Variants in NT5C1B observed in about 807,000 individuals in gnomAD.
NT5C1B encodes 5'-nucleotidase, cytosolic IB, also known as cytosolic 5'-nucleotidase 1B.
A neutral mutation model predicts 57.8 loss-of-function variants in NT5C1B; 44 were observed. The observed-to-expected ratio is 0.76, with a 90% CI of 0.60 to 0.98. The LOEUF (loss-of-function observed/expected upper bound fraction) is 0.98. NT5C1B is among the 50% of genes least tolerant of loss of function. The pLI is 0.00. For synonymous variants in NT5C1B, 284 were observed against 282.6 expected, an observed-to-expected ratio of 1.00 and a Z score of -0.05; for missense variants, 742 against 719.5, an observed-to-expected ratio of 1.03 and a Z score of -0.36.
At position 18,584,354 on chromosome 2, in the gene NT5C1B, C is replaced by G; in HGVS notation, c.724-99G>C. On this transcript the variant is annotated intron_variant, in intron 4 of 8. Transcript: ENST00000304081. This position sits in a 1 kb window ranked among gnomAD's most constrained non-coding sequence, Gnocchi z 5.8. The stretch of plus-strand genomic sequence containing the variant: ...AGGGTGAGAGTAGGACAGCGGGCCC[C>G]TGCTTGGAGAAGCGGGATGCTGGAG... 2 of 1,552,132 alleles carry G rather than the reference C, an allele frequency of 1.3e-6. No homozygotes were observed. The highest frequency in any genetic ancestry group is 1.7e-6 in the Non-Finnish European group (2 of 1,151,624).
chr2:18,573,611 C>T (rs1665406657), intron 8 of NT5C1B, among the ~76,000 whole-genome samples: 1 of 151,914 alleles, frequency 6.6e-6, no homozygotes, highest in South Asian at 2.1e-4. Flanking sequence ...TAAATTAATC[C>T]TCTCCAGCTG....
intron 8 of NT5C1B, among the ~76,000 whole-genome samples, chr2:18,573,059 CA>C (rs201509727): frequency 0.013 from 1,943 of 152,166 alleles, 36 homozygotes; most frequent in African/African-American, 0.044. Context: ...ACTCCTTCAA[CA>C]GGTAAATGAA....
At chr2:18,586,834 C>T in intron 2 of NT5C1B, 1 of 1,348,250 alleles carries the variant, frequency 7.4e-7, no homozygotes, top group Non-Finnish European at 1.0e-6. Context: ...AAGGCAGCTG[C>T]TGAAAAGGAA....
chr2:18,567,798 C>T (rs1356115347), intron 8 of NT5C1B, among the ~76,000 whole-genome samples: 1 of 152,122 alleles, frequency 6.6e-6, no homozygotes, highest in African/African-American at 2.4e-5. Flanking sequence ...ACCCAAGTGT[C>T]ACAAATATAA....
chr2:18,584,437 C>T lies in NT5C1B; in HGVS notation c.723+77G>A. 2 of 1,551,854 alleles carry T rather than the reference C, an allele frequency of 1.3e-6. No individual in the cohort carries two copies. The highest frequency in any genetic ancestry group is 1.9e-5 in the Admixed American group (1 of 52,408). ...GAGGAGAAGCGGGAGGACCTCCCTG[C>T]GCAGTGGAGAGGAGGGCGGCTGGAA... On this transcript the variant is annotated intron_variant, in intron 4 of 8. Coordinates refer to ENST00000304081, the Ensembl canonical transcript of NT5C1B. This position sits in a 1 kb window ranked among gnomAD's most constrained non-coding sequence, Gnocchi z 5.8.
intron 8 of NT5C1B, among the ~76,000 whole-genome samples, chr2:18,575,894 C>T (rs747431434): frequency 9.2e-5 from 14 of 152,084 alleles, no homozygotes; most frequent in Non-Finnish European, 4.4e-5. Flanking sequence ...GCAGTATTTC[C>T]TGTTACTCCC....
intron 6 of NT5C1B, 28 bp from the exon 7 acceptor site, chr2:18,576,923 A>G (rs772337251): frequency 1.9e-6 from 3 of 1,611,864 alleles, no homozygotes; most frequent in Admixed American, 1.7e-5. Flanking sequence ...AGACTTTGTT[A>G]TGACAGAGAT....
chr2:18,582,880 C>T lies in NT5C1B; in HGVS notation c.1009G>A (p.Val337Ile), dbSNP rs144184703. Reference sequence around the variant, plus strand: ...TTATTTTACTTACCGTAGTGATTGACGCTGTTTATAAGCCGCACTCCCACT... The same window carrying T: ...TTATTTTACTTACCGTAGTGATTGATGCTGTTTATAAGCCGCACTCCCACT... The change falls in exon 6 of 9, where the codon GTC becomes ATC. Residue 337 changes from valine to isoleucine, a missense_variant. Physicochemically the swap from Val to Ile is conservative, Grantham distance 29. Transcript: ENST00000304081. 4.9e-5 allele frequency: 79 copies of T among 1,613,508 alleles called. No homozygotes were observed. Among genetic ancestry groups the T allele is most frequent in the South Asian group, 4.4e-4 (40 of 90,996 alleles).
At chr2:18,586,167 C>T in intron 3 of NT5C1B, 87 bp downstream of exon 3, 1 of 1,541,932 alleles carries the variant, frequency 6.5e-7, no homozygotes, top group Non-Finnish European at 8.8e-7. Context: ...AGCACATAAA[C>T]AGGGCCTGGC....
At chr2:18,588,384 C>T (rs983138325) in intron 1 of NT5C1B, among the ~76,000 whole-genome samples, 3 of 152,172 alleles carry the variant, frequency 2.0e-5, no homozygotes, top group Non-Finnish European at 4.4e-5. Flanking sequence ...GACCAAGATC[C>T]ACTAGAGCAG....
At chr2:18,589,148 A>G (rs1483243976) in intron 1 of NT5C1B, among the ~76,000 whole-genome samples, 1 of 152,182 alleles carries the variant, frequency 6.6e-6, no homozygotes, top group Admixed American at 6.5e-5. Context: ...TTTACCTTTT[A>G]CTACTAACAT....
Position 18,584,730 on chromosome 2 carries a change from G to A in NT5C1B, c.507C>T (p.Asp169=). 1.2e-6 allele frequency: 2 copies of A among 1,613,346 alleles called. No homozygotes were observed. The highest frequency in any genetic ancestry group is 1.7e-6 in the Non-Finnish European group (2 of 1,179,606). The change falls in exon 4 of 9, where the codon GAC becomes GAT. Residue 169 remains aspartate, a synonymous_variant. Coordinates refer to ENST00000304081, the Ensembl canonical transcript of NT5C1B. The surrounding 1 kb of genome is among the most constrained non-coding windows in gnomAD (Gnocchi z 5.8). ...TGCGCGAATATTCCAGCGGCTGCGAGTCCCGGGTCTGGCGGATTTCCCGCA... is the reference window on the plus strand; with the variant it reads ...TGCGCGAATATTCCAGCGGCTGCGAATCCCGGGTCTGGCGGATTTCCCGCA...
exon 1 of NT5C1B, chr2:18,589,496 G>A (rs1229044745): frequency 5.0e-6 from 8 of 1,613,618 alleles, no homozygotes; most frequent in Non-Finnish European, 6.8e-6. Flanking sequence ...TTCTTTTGTT[G>A]TTATCCACAT....
At chr2:18,587,686 T>C (rs780497943) in intron 1 of NT5C1B, 94 bp from the exon 2 acceptor site, 22 of 1,401,192 alleles carry the variant, frequency 1.6e-5, no homozygotes, top group Non-Finnish European at 2.1e-5. Flanking sequence ...AAACACAAAA[T>C]TTATTTATTT....
rs1666947798 is a variant in NT5C1B, at chr2:18,588,763, AT to A, written c.30+675del. On this transcript the variant is annotated intron_variant, in intron 1 of 8. Transcript: ENST00000304081. ...GTCCACCGTATTTATTTAGAGTAAT[AT>A]TTACAAGATGTAAATCTAGTAATGC... Among the ~76,000 whole-genome samples, 3 of 152,236 alleles carry A rather than the reference AT, an allele frequency of 2.0e-5. No homozygotes were observed. The South Asian group carries it at 6.2e-4, about 32-fold the overall frequency.
chr2:18,586,192 A>C, intron 3 of NT5C1B, 62 bp downstream of exon 3: 2 of 1,581,512 alleles, frequency 1.3e-6, no homozygotes, highest in South Asian at 1.2e-5. Flanking sequence ...AGAAAGCATC[A>C]ATAAATGTTA....
At chr2:18,576,647 A>G in intron 7 of NT5C1B, 126 bp downstream of exon 7, 5 of 1,471,388 alleles carry the variant, frequency 3.4e-6, no homozygotes, top group Non-Finnish European at 2.7e-6. Context: ...GTGTTGCCCC[A>G]TGTGGAAAAA....
chr2:18,583,616 A>G (rs1666382167), intron 5 of NT5C1B: 1 of 352,220 alleles, frequency 2.8e-6, no homozygotes, highest in Non-Finnish European at 5.6e-6. Flanking sequence ...TGTAAGTGCT[A>G]TACATTTCAG....
At chr2:18,565,726 T>A (rs1319763916) in intron 8 of NT5C1B, among the ~76,000 whole-genome samples, 1 of 152,158 alleles carries the variant, frequency 6.6e-6, no homozygotes. Flanking sequence ...AATATTTTAA[T>A]CATTTAATAT....
Sources: gnomAD v4.1 joint callset for allele counts (sites outside exome capture counted in the v4.1 genomes callset) on GRCh38, gnomAD v4.1.1 for gene constraint, Gnocchi (gnomAD v3.1) non-coding constraint, MANE v1.5 for transcripts, NCBI Gene and HGNC (gene_info 2026-07-23, HGNC 2026-07-21) for gene names.